COL14A1: variants seen among roughly 807,000 people sequenced by gnomAD.
The protein encoded by COL14A1 is collagen type XIV alpha 1 chain.
A neutral mutation model predicts 230.3 loss-of-function variants in COL14A1; 136 were observed. That is an observed-to-expected ratio of 0.59 (90% CI 0.51 to 0.68). The LOEUF (loss-of-function observed/expected upper bound fraction) is 0.68. COL14A1 is among the 30% of genes least tolerant of loss of function. The pLI is 0.00. For missense variants in COL14A1, 1,976 were observed against 2,215.8 expected (o/e 0.89, Z 2.17); for synonymous variants, 792 against 784.1 (o/e 1.01, Z -0.17).
At chr8:120,247,372 G>T (rs1315817553) in intron 20 of COL14A1, among the ~76,000 whole-genome samples, 4 of 151,752 alleles carry the variant, frequency 2.6e-5, no homozygotes, top group Non-Finnish European at 5.9e-5. Context: ...GCAGTGAGCG[G>T]AGATCGTGCC....
intron 1 of COL14A1, among the ~76,000 whole-genome samples, chr8:120,126,200 C>T (rs1335701619): frequency 1.3e-5 from 2 of 152,248 alleles, no homozygotes; most frequent in African/African-American, 4.8e-5. Flanking sequence ...GGCAGCTGGG[C>T]TTCGGCGCAT....
chr8:120,186,798 T>G (rs1242364087), intron 5 of COL14A1, among the ~76,000 whole-genome samples: 5 of 152,206 alleles, frequency 3.3e-5, no homozygotes, highest in African/African-American at 1.2e-4. Flanking sequence ...TCAATTTAGT[T>G]TACCTACACT....
chr8:120,230,070 T>G (rs140973345), intron 18 of COL14A1, among the ~76,000 whole-genome samples: 20 of 152,208 alleles, frequency 1.3e-4, no homozygotes, highest in Admixed American at 1.3e-3. Flanking sequence ...TTAGTAGAGA[T>G]GAGGTCTTTC....
chr8:120,135,274 T>C (rs532191554), intron 1 of COL14A1, among the ~76,000 whole-genome samples: 3 of 152,192 alleles, frequency 2.0e-5, no homozygotes, highest in Non-Finnish European at 4.4e-5. Flanking sequence ...ACTTTTTTTT[T>C]TCTTTTTGAG....
At chr8:120,319,130 T>G (rs148607376) in intron 40 of COL14A1, among the ~76,000 whole-genome samples, 1 of 152,082 alleles carries the variant, frequency 6.6e-6, no homozygotes, top group African/African-American at 2.4e-5. Context: ...CCTTTTATAT[T>G]TTTGCCTTCT....
At chr8:120,221,537 T>C (rs1817932699) in intron 14 of COL14A1, among the ~76,000 whole-genome samples, 1 of 144,370 alleles carries the variant, frequency 6.9e-6, no homozygotes, top group Admixed American at 7.2e-5. Flanking sequence ...AATATCCTTT[T>C]TAACAGATAC....
intron 1 of COL14A1, among the ~76,000 whole-genome samples, chr8:120,137,209 A>G (rs1348395756): frequency 3.3e-5 from 5 of 152,084 alleles, no homozygotes; most frequent in African/African-American, 1.2e-4. Flanking sequence ...GAGTATTTCA[A>G]TAGTTTATTT....
chr8:120,273,234 T>C (rs189932428), intron 26 of COL14A1, among the ~76,000 whole-genome samples: 202 of 151,940 alleles, frequency 1.3e-3, no homozygotes, highest in African/African-American at 4.5e-3. Context: ...TTAAAAATTA[T>C]TTGGAATGAA....
At chr8:120,126,491 G>C (rs562157836) in intron 1 of COL14A1, among the ~76,000 whole-genome samples, 1 of 152,346 alleles carries the variant, frequency 6.6e-6, no homozygotes, top group African/African-American at 2.4e-5. Flanking sequence ...GTTGGCAGCA[G>C]CTGAAGGGGG....
chr8:120,160,340 C>T (rs1362351168), intron 3 of COL14A1, among the ~76,000 whole-genome samples: 5 of 151,694 alleles, frequency 3.3e-5, no homozygotes, highest in Non-Finnish European at 1.5e-5. Flanking sequence ...ATTTTTTTTC[C>T]TTCAAGTGAT....
chr8:120,337,401 T>TAAAAA (rs60418574), intron 42 of COL14A1, among the ~76,000 whole-genome samples: 50 of 129,258 alleles, frequency 3.9e-4, no homozygotes, highest in African/African-American at 6.1e-4. Flanking sequence ...GTCTCAAAAT[T>TAAAAA]AAAAAAAAAA....
intron 37 of COL14A1, among the ~76,000 whole-genome samples, chr8:120,312,697 T>C (rs1821083207): frequency 6.6e-6 from 1 of 152,216 alleles, no homozygotes; most frequent in African/African-American, 2.4e-5. Flanking sequence ...CTTGCCTAAC[T>C]CCTTGGCCTG....
At chr8:120,235,935 G>A (rs1818430338) in intron 19 of COL14A1, among the ~76,000 whole-genome samples, 1 of 152,176 alleles carries the variant, frequency 6.6e-6, no homozygotes, top group Non-Finnish European at 1.5e-5. Context: ...TTTTGAGTGA[G>A]TTTCTTAATC....
rs73704297 is a variant in COL14A1, at chr8:120,216,503, A to G, written c.1737+13A>G. ...TGAAATCAATGAGGTAAGTTCCGGG[A>G]CATAATGTATATTTTTTAGGTAGTG... On this transcript the variant is annotated intron_variant, in intron 14 of 47. Transcript: ENST00000297848. The G allele has an allele frequency of 1.9e-4, 306 of 1,602,580 alleles. 2 individuals are homozygous for G. In the African/African-American group the frequency reaches 3.7e-3, roughly 19 times the overall value.
At chr8:120,315,170 GAC>G (rs1323491880) in intron 38 of COL14A1, among the ~76,000 whole-genome samples, 1 of 152,090 alleles carries the variant, frequency 6.6e-6, no homozygotes, top group African/African-American at 2.4e-5. Flanking sequence ...AGGAGCTTGA[GAC>G]TAGCCTGGCC....
chr8:120,248,011 C>T (rs1332152923), intron 21 of COL14A1, among the ~76,000 whole-genome samples: 2 of 151,968 alleles, frequency 1.3e-5, no homozygotes, highest in African/African-American at 4.8e-5. Flanking sequence ...CTAATCATAC[C>T]CTAGACCAGG....
intron 20 of COL14A1, among the ~76,000 whole-genome samples, chr8:120,245,142 C>T (rs1818724566): frequency 6.6e-6 from 1 of 152,214 alleles, no homozygotes; most frequent in South Asian, 2.1e-4. Flanking sequence ...GGCTCAATGT[C>T]ACCTCCTCAG....
At chr8:120,362,815 G>A (rs993826813) in intron 45 of COL14A1, among the ~76,000 whole-genome samples, 1 of 152,102 alleles carries the variant, frequency 6.6e-6, no homozygotes, top group African/African-American at 2.4e-5. Flanking sequence ...GGAGATGGAG[G>A]GAGGGGACTT....
chr8:120,178,668 G>A (rs2130628637), intron 5 of COL14A1, among the ~76,000 whole-genome samples: 1 of 152,282 alleles, frequency 6.6e-6, no homozygotes, highest in South Asian at 2.1e-4. Context: ...TTCCACAATG[G>A]TTGAACTAAT....
Sources: allele counts gnomAD v4.1 joint callset (sites outside exome capture counted in the v4.1 genomes callset), GRCh38; gene constraint gnomAD v4.1.1; transcripts MANE v1.5; gene names NCBI Gene and HGNC (gene_info 2026-07-23, HGNC 2026-07-21).